MCF2: variants seen among roughly 807,000 people sequenced by gnomAD.
MCF2 encodes proto-oncogene DBL.
MCF2 carries 44 observed loss-of-function variants against 82.5 expected under a neutral mutation model. That is an observed-to-expected ratio of 0.53 (90% confidence interval 0.42 to 0.69). The LOEUF (loss-of-function observed/expected upper bound fraction) is 0.69. MCF2 is among the 30% of genes least tolerant of loss of function. The pLI, the probability that MCF2 is intolerant of heterozygous loss-of-function variation, is 0.00. For missense variants in MCF2, 623 were observed against 663.1 expected (o/e 0.94, Z 0.66); for synonymous variants, 217 against 224.9 (o/e 0.96, Z 0.32).
At chrX:139,663,426 T>C (rs998658898) in intron 1 of MCF2, among the ~76,000 whole-genome samples, 4 of 111,978 alleles carry the variant, frequency 3.6e-5, no homozygotes, top group Non-Finnish European at 5.6e-5. Context: ...CAGTCTAATG[T>C]ACAGACTTTT....
At chrX:139,643,267 A>C (rs189178716), upstream of MCF2, among the ~76,000 whole-genome samples, 265 of 112,128 alleles carry the variant, frequency 2.4e-3, no homozygotes, top group African/African-American at 8.4e-3. Flanking sequence ...AAAGGTATTC[A>C]AATTGAATTG....
At chrX:139,588,764 A>ACT (rs1196409735) in intron 20 of MCF2, among the ~76,000 whole-genome samples, 5 of 105,193 alleles carry the variant, frequency 4.8e-5, no homozygotes, top group Middle Eastern at 9.7e-3. Context: ...TACTACTACT[A>ACT]ATAATAATAA....
upstream of MCF2, among the ~76,000 whole-genome samples, chrX:139,644,395 ATACT>A (rs1470411593): frequency 1.8e-5 from 2 of 112,283 alleles, no homozygotes; most frequent in African/African-American, 6.5e-5. Context: ...AGAATCAACA[ATACT>A]TAATAAATGT....
At chrX:139,669,901 G>A (rs1934631318) in intron 1 of MCF2, among the ~76,000 whole-genome samples, 1 of 111,925 alleles carries the variant, frequency 8.9e-6, no homozygotes, top group African/African-American at 3.2e-5. Context: ...GGGAATCAGG[G>A]AGCTTCGGAA....
At chrX:139,705,119 C>T (rs1017553742) in intron 1 of MCF2, among the ~76,000 whole-genome samples, 7 of 111,236 alleles carry the variant, frequency 6.3e-5, no homozygotes, top group African/African-American at 2.3e-4. Flanking sequence ...TGAAACCAGC[C>T]TGGCCAACAT....
At chrX:139,603,360 G>A (rs1417387838) in intron 15 of MCF2, among the ~76,000 whole-genome samples, 1 of 112,186 alleles carries the variant, frequency 8.9e-6, no homozygotes, top group African/African-American at 3.2e-5. Flanking sequence ...TCGTTCTAAG[G>A]GCTGTCCATT....
intron 6 of MCF2, among the ~76,000 whole-genome samples, chrX:139,623,771 C>A (rs182283733): frequency 7.7e-4 from 86 of 111,776 alleles, no homozygotes; most frequent in Non-Finnish European, 8.9e-4. Context: ...AAGTAAAAAT[C>A]TTTGAATCAA....
intron 12 of MCF2, among the ~76,000 whole-genome samples, chrX:139,606,834 C>T (rs1024426604): frequency 4.5e-5 from 5 of 110,314 alleles, no homozygotes; most frequent in African/African-American, 1.6e-4. Context: ...CATATTAAAG[C>T]ATTTAACATT....
At chrX:139,679,638 G>A (rs1180439943) in intron 1 of MCF2, among the ~76,000 whole-genome samples, 1 of 110,344 alleles carries the variant, frequency 9.1e-6, no homozygotes, top group Non-Finnish European at 1.9e-5. Context: ...GTAGTATTGA[G>A]CCCAGGATGC....
intron 1 of MCF2, among the ~76,000 whole-genome samples, chrX:139,687,401 G>T (rs143822190): frequency 1.9e-4 from 22 of 113,283 alleles, no homozygotes; most frequent in Non-Finnish European, 3.7e-4. Context: ...GGAACAAGAC[G>T]TCGAAGCAAC....
At chrX:139,649,481 C>T (rs1933916814) in intron 2 of MCF2, among the ~76,000 whole-genome samples, 1 of 111,632 alleles carries the variant, frequency 9.0e-6, no homozygotes, top group African/African-American at 3.3e-5. Context: ...ACTTGCCAAG[C>T]AAGCTGGTGA....
chrX:139,672,123 C>T (rs139210647), intron 1 of MCF2, among the ~76,000 whole-genome samples: 4 of 111,244 alleles, frequency 3.6e-5, no homozygotes, highest in Admixed American at 9.5e-5. Context: ...TTTGTTTGTT[C>T]TTAGTGTATA....
chrX:139,655,627 C>T (rs1311119091), intron 1 of MCF2, among the ~76,000 whole-genome samples: 1 of 111,095 alleles, frequency 9.0e-6, no homozygotes, highest in African/African-American at 3.3e-5. Context: ...CCCATTAACT[C>T]GTTATTTACA....
At chrX:139,656,379 G>C (rs984461941) in intron 1 of MCF2, among the ~76,000 whole-genome samples, 9 of 112,110 alleles carry the variant, frequency 8.0e-5, no homozygotes, top group Non-Finnish European at 1.5e-4. Context: ...GCTTTTTAAG[G>C]TACCCTACAT....
rs190078952 is a variant in MCF2, at chrX:139,625,006, G to A, written c.687+1187C>T. ...TGTCATTAAGTTAATCTGGGAAGAA[G>A]GTATATGGGTATTTTTATTTTTCTT... is the stretch of plus-strand genomic sequence containing the variant. On this transcript the variant is annotated intron_variant, in intron 6 of 24. Transcript: ENST00000370576. Among the ~76,000 whole-genome samples the A allele has an allele frequency of 5.1e-3, 571 of 111,079 alleles. 4 individuals carry two copies. Among genetic ancestry groups the A allele is most frequent in the African/African-American group, 0.018 (549 of 30,601 alleles).
At chrX:139,624,556 T>A (rs1313446756) in intron 6 of MCF2, among the ~76,000 whole-genome samples, 1 of 109,271 alleles carries the variant, frequency 9.2e-6, no homozygotes, top group Non-Finnish European at 1.9e-5. Context: ...AGGACTATAT[T>A]CTTCAAAATG....
At chrX:139,635,061 G>A (rs912178699) in intron 1 of MCF2, among the ~76,000 whole-genome samples, 2 of 111,480 alleles carry the variant, frequency 1.8e-5, no homozygotes, top group Non-Finnish European at 3.8e-5. Flanking sequence ...GCGACAGAGC[G>A]AGACCTCATC....
chrX:139,588,482 C>G, intron 20 of MCF2, 44 bp from the exon 25 acceptor site: 1 of 844,187 alleles, frequency 1.2e-6, no homozygotes, highest in Non-Finnish European at 1.8e-6. Flanking sequence ...TACACATTTC[C>G]TTTTAAAAAG....
exon 18 of MCF2, chrX:139,597,489 T>C: frequency 1.7e-6 from 2 of 1,200,387 alleles, no homozygotes; most frequent in Non-Finnish European, 2.3e-6. Flanking sequence ...ATCTGATGCA[T>C]AGAATCATTA....
Sources: gnomAD v4.1 joint callset for allele counts (sites outside exome capture counted in the v4.1 genomes callset) on GRCh38, gnomAD v4.1.1 for gene constraint, MANE v1.5 for transcripts, NCBI Gene and HGNC (gene_info 2026-07-23, HGNC 2026-07-21) for gene names.